BDKRB2: variants seen among roughly 807,000 people sequenced by gnomAD.
BDKRB2 encodes bradykinin receptor B2.
In BDKRB2, 6 loss-of-function variants were observed where a neutral mutation model predicts 4.0. That is an observed-to-expected ratio of 1.49 (90% CI 0.81 to 2.93). The LOEUF (loss-of-function observed/expected upper bound fraction) is 2.93. Among genes scored for constraint, BDKRB2 ranks in the 30% most tolerant of loss-of-function variants. The probability of loss-of-function intolerance (pLI) is 0.00; values close to 1 mark genes in which losing one functional copy is unlikely to be tolerated. For missense variants in BDKRB2, 478 were observed against 520.1 expected (o/e 0.92, Z 0.79); for synonymous variants, 225 against 215.3 (o/e 1.05, Z -0.40).
At position 96,238,836 on chromosome 14, in the gene BDKRB2, A is replaced by C. The variant is rs2242963; in HGVS notation, c.75-1567A>C. 766 of 986,180 alleles carry C rather than the reference A, an allele frequency of 7.8e-4. 2 individuals are homozygous for C. In the African/African-American group the frequency reaches 0.012, roughly 15 times the overall value. The allele number at this position is 986,180 out of a possible 1,614,324, so 61.1% of individuals were successfully genotyped here. On this transcript the variant is annotated intron_variant, in intron 2 of 2. Coordinates refer to ENST00000554311, the MANE Select transcript of BDKRB2 (RefSeq NM_001379692.1). ...ACAACCCCCCTGCTCCCTCCAGGGC[A>C]CCCTCCACCCTCTGGGCCACAGTTG...
At chr14:96,231,682 T>G (rs537432403) in intron 1 of BDKRB2, among the ~76,000 whole-genome samples, 2 of 152,238 alleles carry the variant, frequency 1.3e-5, no homozygotes, top group South Asian at 4.1e-4. Flanking sequence ...ACTTGCTGGG[T>G]GGTCTGAAGG....
intron 1 of BDKRB2, among the ~76,000 whole-genome samples, chr14:96,224,553 A>G (rs1337566547): frequency 6.6e-6 from 1 of 152,228 alleles, no homozygotes; most frequent in Non-Finnish European, 1.5e-5. Context: ...ATCCTTATTT[A>G]CCAAGAGGTT....
intron 1 of BDKRB2, among the ~76,000 whole-genome samples, chr14:96,213,585 T>A (rs1163485923): frequency 6.6e-6 from 1 of 152,016 alleles, no homozygotes; most frequent in East Asian, 1.9e-4. Context: ...CACACCAGCT[T>A]ATGACACACC....
intron 1 of BDKRB2, among the ~76,000 whole-genome samples, chr14:96,210,192 C>T (rs1386343415): frequency 6.6e-6 from 1 of 152,068 alleles, no homozygotes; most frequent in African/African-American, 2.4e-5. Context: ...GATCCTGGGG[C>T]CCACAAGGAA....
chr14:96,217,855 C>A (rs1020594516), intron 1 of BDKRB2, among the ~76,000 whole-genome samples: 1 of 151,362 alleles, frequency 6.6e-6, no homozygotes, highest in African/African-American at 2.5e-5. Flanking sequence ...GAGCCCCAGG[C>A]TCCAGACTCC....
At chr14:96,233,525 C>G (rs1470834960) in intron 1 of BDKRB2, 4 of 152,238 alleles carry the variant, frequency 2.6e-5, no homozygotes, top group African/African-American at 9.6e-5. Context: ...CTTCAGGGAA[C>G]AATCACATAG....
At chr14:96,208,796 T>G (rs893044695) in intron 1 of BDKRB2, among the ~76,000 whole-genome samples, 1 of 152,152 alleles carries the variant, frequency 6.6e-6, no homozygotes, top group African/African-American at 2.4e-5. Context: ...AAACTTTAGA[T>G]TTACTCCGGC....
chr14:96,233,122 G>A (rs933980743), intron 1 of BDKRB2, among the ~76,000 whole-genome samples: 2 of 152,144 alleles, frequency 1.3e-5, no homozygotes, highest in African/African-American at 4.8e-5. Flanking sequence ...ATCACCCCGG[G>A]CTCAGCTGAT....
At chr14:96,232,224 G>A (rs370639843) in intron 1 of BDKRB2, among the ~76,000 whole-genome samples, 31 of 152,308 alleles carry the variant, frequency 2.0e-4, no homozygotes, top group East Asian at 7.7e-4. Flanking sequence ...ACTCCACACA[G>A]CACCCTAGGA....
rs953217633 is a variant in BDKRB2 at position 96,222,778 on chromosome 14, A to G, written c.-39-14291A>G. Reference sequence around the variant, plus strand: ...AGAGTTAGCAGGAAAAAATAATAATATAAAATAACTCAATGACTTTTTGTA... The same window carrying G: ...AGAGTTAGCAGGAAAAAATAATAATGTAAAATAACTCAATGACTTTTTGTA... On this transcript the variant is annotated intron_variant, in intron 1 of 2. Coordinates refer to ENST00000554311, the MANE Select transcript of BDKRB2 (RefSeq NM_001379692.1). 2.0e-5 allele frequency among the ~76,000 whole-genome samples: 3 copies of G among 152,156 alleles called. 1 individual carries two copies. Among genetic ancestry groups the G allele is most frequent in the African/African-American group, 7.2e-5 (3 of 41,390 alleles).
chr14:96,226,074 A>T (rs575080204), intron 1 of BDKRB2, among the ~76,000 whole-genome samples: 1 of 152,202 alleles, frequency 6.6e-6, no homozygotes, highest in Non-Finnish European at 1.5e-5. Context: ...ACCCTCTTCC[A>T]GACCTGCAGC....
chr14:96,227,390 G>T (rs571566171), intron 1 of BDKRB2, among the ~76,000 whole-genome samples: 1 of 152,190 alleles, frequency 6.6e-6, no homozygotes, highest in Non-Finnish European at 1.5e-5. Context: ...TAAGCCACTT[G>T]TCCAAGGTAA....
chr14:96,226,727 G>T (rs1057491893), intron 1 of BDKRB2, among the ~76,000 whole-genome samples: 6 of 152,104 alleles, frequency 3.9e-5, no homozygotes, highest in African/African-American at 1.4e-4. Context: ...CTGGCTGTGT[G>T]TCCTGGTAGA....
chr14:96,212,920 T>C (rs772927369), intron 1 of BDKRB2, among the ~76,000 whole-genome samples: 1 of 151,966 alleles, frequency 6.6e-6, no homozygotes, highest in Non-Finnish European at 1.5e-5. Flanking sequence ...CTCTGCTTCA[T>C]ATGCTTTATA....
intron 1 of BDKRB2, among the ~76,000 whole-genome samples, chr14:96,207,346 T>C (rs1890210414): frequency 1.3e-5 from 2 of 152,204 alleles, no homozygotes; most frequent in Admixed American, 1.3e-4. Context: ...ATGAAGCTAC[T>C]CTGAAAAGGC....
At chr14:96,207,644 T>C (rs943503927) in intron 1 of BDKRB2, among the ~76,000 whole-genome samples, 3 of 152,126 alleles carry the variant, frequency 2.0e-5, no homozygotes, top group Admixed American at 1.3e-4. Flanking sequence ...GTTCATCAAT[T>C]ACAACAAATT....
chr14:96,223,986 T>C (rs1052055628), intron 1 of BDKRB2, among the ~76,000 whole-genome samples: 1 of 152,156 alleles, frequency 6.6e-6, no homozygotes, highest in African/African-American at 2.4e-5. Flanking sequence ...TCCTGGATAG[T>C]TGATGCCATT....
rs1463100794 is a variant in BDKRB2 at position 96,204,884 on chromosome 14, G to A, written c.-115G>A. On this transcript the variant is annotated 5_prime_UTR_variant, in exon 1 of 3. Transcript: ENST00000554311. ...GCTCCGAGGAGGGGTGGGGACGGTG[G>A]GGACGGTGGGGACATCAGGCTGCCC... The A allele has an allele frequency of 8.5e-6, 3 of 351,366 alleles. No homozygotes were observed. The highest frequency in any genetic ancestry group is 1.7e-5 in the Non-Finnish European group (3 of 177,068). The allele number at this position is 351,366 out of a possible 1,614,324, so 21.8% of individuals were successfully genotyped here.
chr14:96,232,625 C>T (rs1890843189), intron 1 of BDKRB2, among the ~76,000 whole-genome samples: 1 of 152,160 alleles, frequency 6.6e-6, no homozygotes, highest in African/African-American at 2.4e-5. Flanking sequence ...CTATTAGAGC[C>T]TGGGTAGATT....
Sources: allele counts gnomAD v4.1 joint callset (sites outside exome capture counted in the v4.1 genomes callset), GRCh38; gene constraint gnomAD v4.1.1; transcripts MANE v1.5; gene names NCBI Gene and HGNC (gene_info 2026-07-23, HGNC 2026-07-21).